Variants in MED23 observed in about 807,000 individuals in gnomAD.
MED23 encodes mediator complex subunit 23.
In MED23, 105 loss-of-function variants were observed where a neutral mutation model predicts 163.9. The ratio of observed to expected loss-of-function variants is 0.64; its 90% CI spans 0.55 to 0.75. The LOEUF is 0.75. Ranked by LOEUF, MED23 falls within the 30% of genes least tolerant of loss-of-function variation. The pLI, the probability that MED23 is intolerant of heterozygous loss-of-function variation, is 0.00. For missense variants in MED23, 1,054 were observed against 1,649.0 expected (o/e 0.64, Z 6.25); for synonymous variants, 561 against 565.6 (o/e 0.99, Z 0.12).
At chr6:131,584,135 C>A, downstream of MED23, 1 of 543,098 alleles carries the variant, frequency 1.8e-6, no homozygotes, top group Non-Finnish European at 3.2e-6. Context: ...AAAGACTTAT[C>A]CTTAGAAAGA....
At position 131,605,331 on chromosome 6, in the gene MED23, G is replaced by C. The variant is rs760209642; in HGVS notation, c.1522C>G (p.Pro508Ala). The C allele has an allele frequency of 6.2e-7, 1 of 1,613,282 alleles. No individual in the cohort carries two copies. Among genetic ancestry groups the C allele is most frequent in the East Asian group, 2.2e-5 (1 of 44,776 alleles). The change falls in exon 14 of 29, where the codon CCT becomes GCT. Residue 508 changes from proline to alanine, a missense_variant. Around this residue, in one of 11 missense-constraint regions of MED23, gnomAD observed 54 missense variants for 89.8 expected, o/e 0.60. Coordinates refer to ENST00000368068, the MANE Select transcript of MED23 (RefSeq NM_004830.4). ...GCCATACAGTTTGTTCCAGGGAGAG[G>C]TATCCTCATAATTCCATTTCCATAA... ...TIYGNGIMRIPLPGTNCMASG... is the reference protein window; with the variant it reads ...TIYGNGIMRIALPGTNCMASG...
chr6:131,609,745 T>C (rs559920098), intron 11 of MED23, among the ~76,000 whole-genome samples: 113 of 143,602 alleles, frequency 7.9e-4, no homozygotes, highest in African/African-American at 2.8e-3. Context: ...TATATATATA[T>C]GTATATATAT....
At chr6:131,597,492 A>AAAAAAG (rs1158180842) in intron 20 of MED23, among the ~76,000 whole-genome samples, 2 of 140,604 alleles carry the variant, frequency 1.4e-5, no homozygotes, top group African/African-American at 5.2e-5. Context: ...AAAAAAAAAA[A>AAAAAAG]AAAAAGAAAA....
At chr6:131,583,894 AACCC>A (rs1554251368), downstream of MED23, 4 of 1,614,076 alleles carry the variant, frequency 2.5e-6, no homozygotes, top group Non-Finnish European at 8.5e-7. Context: ...TGACTACCTT[AACCC>A]ACCTAAGTAA....
chr6:131,609,591 C>A (rs373636637), intron 11 of MED23, among the ~76,000 whole-genome samples: 1 of 144,280 alleles, frequency 6.9e-6, no homozygotes, highest in Non-Finnish European at 1.5e-5. Context: ...TGGCTCACTG[C>A]AACCTTAGGG....
intron 10 of MED23, among the ~76,000 whole-genome samples, chr6:131,611,010 G>A (rs916447441): frequency 1.3e-5 from 2 of 152,098 alleles, no homozygotes; most frequent in Non-Finnish European, 2.9e-5. Flanking sequence ...GCTTTTAAAA[G>A]TGATTTAAAA....
chr6:131,609,979 C>A (rs1562392313), intron 11 of MED23, 67 bp downstream of exon 11: 2 of 1,433,604 alleles, frequency 1.4e-6, no homozygotes, highest in African/African-American at 2.8e-5. Flanking sequence ...CTAGGGAATG[C>A]CCACAGCAGT....
intron 1 of MED23, 62 bp downstream of exon 1, chr6:131,627,949 G>T (rs1346317948): frequency 3.7e-6 from 6 of 1,607,514 alleles, no homozygotes; most frequent in Non-Finnish European, 5.1e-6. Flanking sequence ...TTCCTTGGTC[G>T]GCTGCCCCCG....
At chr6:131,590,952 C>T (rs1774572339) in intron 26 of MED23, among the ~76,000 whole-genome samples, 2 of 148,786 alleles carry the variant, frequency 1.3e-5, no homozygotes, top group African/African-American at 5.0e-5. Context: ...TATACCTCAT[C>T]TGTTAATGAG....
In MED23 at chr6:131,625,001, G is replaced by A. The variant is rs554201986; in HGVS notation, c.160-12C>T. ...TGTTCATGAGACTCCTGGAAAATGA[G>A]AGAATGATTTTACTTGGGGTCTAAA... On this transcript the variant is annotated splice_polypyrimidine_tract_variant and intron_variant, in intron 3 of 28. Transcript: ENST00000368068. 4 of 1,613,026 alleles carry A rather than the reference G, an allele frequency of 2.5e-6. No homozygotes were observed. The African/African-American group carries it at 5.3e-5, about 21-fold the overall frequency.
At chr6:131,625,962 A>T (rs901075459) in intron 3 of MED23, among the ~76,000 whole-genome samples, 2 of 151,762 alleles carry the variant, frequency 1.3e-5, no homozygotes, top group African/African-American at 4.8e-5. Context: ...CTCTACTAAA[A>T]ATACAAAAAA....
At chr6:131,586,037 T>C (rs1011471044), downstream of MED23, among the ~76,000 whole-genome samples, 31 of 152,218 alleles carry the variant, frequency 2.0e-4, no homozygotes, top group African/African-American at 6.8e-4. Context: ...CAAGAATACA[T>C]TGACGCTATG....
Position 131,621,883 on chromosome 6 carries a change from C to G in MED23, c.493G>C (p.Glu165Gln). ...AVVQQLLAAR[E>Q]VIAYILERNA... ...AATTTCAGACATGTCTAAATTACCTCTCTTGCTGCCAGAAGCTGCTGTACA... is the reference window on the plus strand; with the variant it reads ...AATTTCAGACATGTCTAAATTACCTGTCTTGCTGCCAGAAGCTGCTGTACA... The change falls in exon 6 of 29, where the codon GAG becomes CAG. Residue 165 changes from glutamate to glutamine, a missense_variant and splice_region_variant. Physicochemically the swap from Glu to Gln is conservative, Grantham distance 29. Around this residue, in one of 11 missense-constraint regions of MED23, gnomAD observed 227 missense variants for 235.5 expected, o/e 0.96. Transcript: ENST00000368068. 6.2e-7 allele frequency: 1 copy of G among 1,604,898 alleles called. No individual in the cohort carries two copies. Among genetic ancestry groups the G allele is most frequent in the African/African-American group, 1.3e-5 (1 of 74,644 alleles).
chr6:131,603,806 T>C (rs1206280150), intron 15 of MED23, among the ~76,000 whole-genome samples: 1 of 152,218 alleles, frequency 6.6e-6, no homozygotes, highest in Admixed American at 6.5e-5. Flanking sequence ...TCCTTCTTTA[T>C]TTCCAGTCAG....
rs1048866762 is a variant in MED23, at chr6:131,598,179, T to C, written c.2607+108A>G. ...GAAGTGACAGCAATGCTTGATATAG[T>C]ATAAATTCATTAAATCCTTCAAAGC... is the stretch of plus-strand genomic sequence containing the variant. On this transcript the variant is annotated intron_variant, in intron 20 of 28. Transcript: ENST00000368068. This position sits in a 1 kb window ranked among gnomAD's most constrained non-coding sequence, Gnocchi z 4.7. 7 of 1,115,226 alleles carry C rather than the reference T, an allele frequency of 6.3e-6. No homozygotes were observed. The highest frequency in any genetic ancestry group is 1.6e-5 in the African/African-American group (1 of 64,112). The allele number at this position is 1,115,226 out of a possible 1,614,324, so 69.1% of individuals were successfully genotyped here.
At position 131,602,252 on chromosome 6, in the gene MED23, C is replaced by T; in HGVS notation, c.2061G>A (p.Leu687=). 6.2e-7 allele frequency: 1 copy of T among 1,613,930 alleles called. No individual in the cohort carries two copies. The highest frequency in any genetic ancestry group is 8.5e-7 in the Non-Finnish European group (1 of 1,179,842). The change falls in exon 17 of 29, where the codon TTG becomes TTA. Residue 687 remains leucine, a synonymous_variant. Transcript: ENST00000368068. ...SAESEELNRA[L]ILTLARATHV... ...GAGTTGCTCTAGCCAAGGTCAATAT[C>T]AAGGCTCGGTTCAGTTCTTCAGATT...
chr6:131,605,275 G>C lies in MED23; in HGVS notation c.1578C>G (p.Asn526Lys). The C allele has an allele frequency of 6.2e-7, 1 of 1,613,472 alleles. No individual in the cohort carries two copies. Among genetic ancestry groups the C allele is most frequent in the South Asian group, 1.1e-5 (1 of 91,072 alleles). The change falls in exon 14 of 29, where the codon AAC (asparagine) becomes AAG (lysine). Residue 526 changes from asparagine to lysine, a missense_variant. Physicochemically the swap from Asn to Lys is moderately conservative, Grantham distance 94. Transcript: ENST00000368068. ...CATGAACTGTCAGTGAATCCAGGAG[G>C]TTCATAGGTAAGGGGGTAATAGATC... ...ASGSITPLPM[N>K]LLDSLTVHAK...
Position 131,576,578 on chromosome 6 carries a change from C to G in MED23, c.4096-2283G>C. On this transcript the variant is annotated intron_variant, in intron 30 of 30. Coordinates refer to the MED23 transcript ENST00000354577. ...TCAAAAAATGATAGTTACAGTTCAACTGATTAAATAATGAAAAGGGTTCCT... is the reference window on the plus strand; with the variant it reads ...TCAAAAAATGATAGTTACAGTTCAAGTGATTAAATAATGAAAAGGGTTCCT... 7 of 1,300,898 alleles carry G rather than the reference C, an allele frequency of 5.4e-6. 1 individual carries two copies. The highest frequency in any genetic ancestry group is 7.8e-6 in the Non-Finnish European group (7 of 896,536). The allele number at this position is 1,300,898 out of a possible 1,614,324, so 80.6% of individuals were successfully genotyped here.
At chr6:131,617,954 C>G (rs1160739717) in intron 9 of MED23, among the ~76,000 whole-genome samples, 1 of 152,148 alleles carries the variant, frequency 6.6e-6, no homozygotes, top group Non-Finnish European at 1.5e-5. Flanking sequence ...GAAATGTAAT[C>G]TAAGAAGAAT....
Sources: gnomAD v4.1 joint callset for allele counts (sites outside exome capture counted in the v4.1 genomes callset) on GRCh38, gnomAD v4.1.1 for gene constraint, gnomAD v4.1.1 regional missense constraint, Gnocchi (gnomAD v3.1) non-coding constraint, MANE v1.5 for transcripts, NCBI Gene and HGNC (gene_info 2026-07-23, HGNC 2026-07-21) for gene names.